Variants in TTC39B observed in about 807,000 individuals in gnomAD.
TTC39B encodes the protein tetratricopeptide repeat domain 39B.
A neutral mutation model predicts 96.6 loss-of-function variants in TTC39B; 92 were observed. The observed-to-expected ratio is 0.95, with a 90% confidence interval of 0.80 to 1.13. The LOEUF is 1.13. Among genes scored for constraint, TTC39B ranks in the 50% most tolerant of loss-of-function variants. TTC39B has a pLI of 0.00. For synonymous variants in TTC39B, 367 were observed against 299.4 expected, an observed-to-expected ratio of 1.23 and a Z score of -2.33; for missense variants, 955 against 809.3, an observed-to-expected ratio of 1.18 and a Z score of -2.18.
intron 3 of TTC39B, among the ~76,000 whole-genome samples, chr9:15,217,042 A>C (rs1008776902): frequency 6.6e-6 from 1 of 152,176 alleles, no homozygotes; most frequent in African/African-American, 2.4e-5. Context: ...CAGCGATGGG[A>C]ATATCTAGGT....
At chr9:15,304,402 T>C (rs1824691326) in intron 1 of TTC39B, among the ~76,000 whole-genome samples, 1 of 152,348 alleles carries the variant, frequency 6.6e-6, no homozygotes, top group Non-Finnish European at 1.5e-5. Flanking sequence ...ATATCTAAGA[T>C]GCTTGTGCTC....
At chr9:15,287,452 T>C (rs1438044282) in intron 1 of TTC39B, among the ~76,000 whole-genome samples, 1 of 152,192 alleles carries the variant, frequency 6.6e-6, no homozygotes, top group African/African-American at 2.4e-5. Flanking sequence ...ATGGAATGCT[T>C]TGTGGTCTTT....
At chr9:15,276,697 G>C (rs1212993690) in intron 1 of TTC39B, among the ~76,000 whole-genome samples, 1 of 152,142 alleles carries the variant, frequency 6.6e-6, no homozygotes, top group African/African-American at 2.4e-5. Flanking sequence ...TTTAGGCTTG[G>C]AGGTTAGACC....
intron 2 of TTC39B, among the ~76,000 whole-genome samples, chr9:15,238,196 C>A (rs12340208): frequency 2.0e-5 from 3 of 152,086 alleles, no homozygotes; most frequent in African/African-American, 2.4e-5. Context: ...CCCCTAAGGA[C>A]TGAAACAAAT....
intron 17 of TTC39B, 140 bp downstream of exon 17, chr9:15,182,167 T>C (rs1818280626): frequency 2.0e-6 from 1 of 509,094 alleles, no homozygotes; most frequent in African/African-American, 2.0e-5. Flanking sequence ...TTGACTGCAA[T>C]CACCCAGACC....
chr9:15,265,960 A>C (rs1178443151), intron 2 of TTC39B, among the ~76,000 whole-genome samples: 1 of 152,222 alleles, frequency 6.6e-6, no homozygotes, highest in African/African-American at 2.4e-5. Flanking sequence ...GAGGAGCCTA[A>C]GGGGACATGA....
chr9:15,294,235 C>A (rs565316199), intron 1 of TTC39B, among the ~76,000 whole-genome samples: 10 of 151,948 alleles, frequency 6.6e-5, no homozygotes, highest in African/African-American at 2.2e-4. Flanking sequence ...AGCAGTCTAG[C>A]GCAGTACACT....
intron 3 of TTC39B, among the ~76,000 whole-genome samples, chr9:15,219,224 A>G (rs1437367773): frequency 6.6e-6 from 1 of 152,172 alleles, no homozygotes; most frequent in East Asian, 1.9e-4. Context: ...TGCAGTTACT[A>G]CTATAAAAAG....
intron 19 of TTC39B, among the ~76,000 whole-genome samples, chr9:15,173,404 C>G (rs1006539492): frequency 3.9e-5 from 6 of 152,128 alleles, no homozygotes; most frequent in African/African-American, 1.4e-4. Context: ...AAAGAGTTGC[C>G]TAAAGTAGCG....
chr9:15,275,042 G>GT lies in TTC39B; in HGVS notation c.241-7095dup, dbSNP rs546113740. 5.2e-3 allele frequency among the ~76,000 whole-genome samples: 752 copies of GT among 143,282 alleles called. 2 individuals carry two copies. The highest frequency in any genetic ancestry group is 6.2e-3 in the Non-Finnish European group (401 of 64,998). The allele number at this position is 143,282 out of a possible 152,430, so 94.0% of individuals were successfully genotyped here. Reference sequence around the variant, plus strand: ...TCTCATATAATCCCACGTAAATTCTGTTTTTTTTTTTTTCCTGAGATGGAG... The same window carrying GT: ...TCTCATATAATCCCACGTAAATTCTGTTTTTTTTTTTTTTCCTGAGATGGAG... On this transcript the variant is annotated intron_variant, in intron 1 of 19. Coordinates refer to ENST00000512701, the Ensembl canonical transcript of TTC39B.
chr9:15,253,878 A>C (rs957909212), intron 2 of TTC39B, among the ~76,000 whole-genome samples: 3 of 152,198 alleles, frequency 2.0e-5, no homozygotes, highest in African/African-American at 7.2e-5. Flanking sequence ...ATATTTAAAC[A>C]ATAACATCTC....
At chr9:15,179,314 T>C (rs978025669) in intron 17 of TTC39B, among the ~76,000 whole-genome samples, 2 of 152,216 alleles carry the variant, frequency 1.3e-5, no homozygotes, top group African/African-American at 4.8e-5. Flanking sequence ...GAGTCCCTCC[T>C]ATTGAAATCC....
At chr9:15,278,042 TACTAAC>T (rs1823612633) in intron 1 of TTC39B, among the ~76,000 whole-genome samples, 1 of 152,254 alleles carries the variant, frequency 6.6e-6, no homozygotes, top group African/African-American at 2.4e-5. Flanking sequence ...CTTTAGTTTC[TACTAAC>T]ACATAGATTA....
At chr9:15,185,433 G>A in intron 15 of TTC39B, 27 bp from the exon 16 acceptor site, 1 of 1,612,198 alleles carries the variant, frequency 6.2e-7, no homozygotes, top group African/African-American at 1.3e-5. Flanking sequence ...CCCAGCCCCA[G>A]AGAAAGGTCA....
At chr9:15,284,732 G>A (rs1215121) in intron 1 of TTC39B, among the ~76,000 whole-genome samples, 103,759 of 152,054 alleles carry the variant, frequency 0.68, 36,353 homozygotes, top group East Asian at 0.9. Flanking sequence ...TCTCTTCTGA[G>A]GAGAGGAAGG....
At chr9:15,182,856 A>C (rs1048892420) in intron 16 of TTC39B, among the ~76,000 whole-genome samples, 1 of 152,206 alleles carries the variant, frequency 6.6e-6, no homozygotes, top group African/African-American at 2.4e-5. Flanking sequence ...TGGGCTTAGG[A>C]TCTTTCATAC....
chr9:15,301,152 C>G (rs1824573593), intron 1 of TTC39B, among the ~76,000 whole-genome samples: 1 of 152,300 alleles, frequency 6.6e-6, no homozygotes, highest in East Asian at 1.9e-4. Context: ...AATACCATCT[C>G]TCCTTTCAAG....
chr9:15,194,166 G>T (rs577332317), intron 8 of TTC39B, among the ~76,000 whole-genome samples: 10 of 151,942 alleles, frequency 6.6e-5, no homozygotes, highest in African/African-American at 2.4e-4. Flanking sequence ...GAAATTTTTT[G>T]TAATAATTTT....
intron 2 of TTC39B, among the ~76,000 whole-genome samples, chr9:15,261,433 C>G (rs1409489292): frequency 6.6e-6 from 1 of 151,964 alleles, no homozygotes; most frequent in African/African-American, 2.4e-5. Context: ...TGAGAACGCG[C>G]CACTACACTC....
Sources: allele counts gnomAD v4.1 joint callset (sites outside exome capture counted in the v4.1 genomes callset), GRCh38; gene constraint gnomAD v4.1.1; transcripts MANE v1.5; gene names NCBI Gene and HGNC (gene_info 2026-07-23, HGNC 2026-07-21).